The following LPP variants were observed in gnomAD, a reference collection of about 807,000 sequenced individuals.
The protein encoded by LPP is LIM domain containing preferred translocation partner in lipoma.
A neutral mutation model predicts 60.4 loss-of-function variants in LPP; 38 were observed. That is an observed-to-expected ratio of 0.63 (90% CI 0.49 to 0.83). The LOEUF (loss-of-function observed/expected upper bound fraction) is 0.83, where lower values mean the gene tolerates loss of function less well. LPP is among the 40% of genes least tolerant of loss of function. The pLI is 0.00. For missense variants in LPP, 902 were observed against 783.6 expected (o/e 1.15, Z -1.80); for synonymous variants, 328 against 290.8 (o/e 1.13, Z -1.30).
At chr3:188,331,901 CA>C (rs1348270324) in intron 2 of LPP, among the ~76,000 whole-genome samples, 15 of 151,986 alleles carry the variant, frequency 9.9e-5, no homozygotes, top group African/African-American at 3.1e-4. Context: ...TATTAAATTC[CA>C]AGACTATTTT....
intron 4 of LPP, among the ~76,000 whole-genome samples, chr3:188,442,175 C>T (rs1216806352): frequency 2.0e-5 from 3 of 152,004 alleles, no homozygotes; most frequent in Non-Finnish European, 4.4e-5. Context: ...GCACAACGTG[C>T]AGGTTTGTTA....
At chr3:188,813,786 T>C (rs1751716097) in intron 9 of LPP, among the ~76,000 whole-genome samples, 1 of 152,142 alleles carries the variant, frequency 6.6e-6, no homozygotes, top group African/African-American at 2.4e-5. Flanking sequence ...AAAACATCTA[T>C]TGGCTGGGCA....
In LPP at chr3:188,473,876, C is replaced by A. The variant is rs1056920340; in HGVS notation, c.194-10716C>A. Among the ~76,000 whole-genome samples, 3 of 152,064 alleles carry A rather than the reference C, an allele frequency of 2.0e-5. No individual in the cohort carries two copies. The East Asian group carries it at 5.8e-4, about 29-fold the overall frequency. On this transcript the variant is annotated intron_variant, in intron 4 of 11. Coordinates refer to ENST00000617246, the MANE Select transcript of LPP (RefSeq NM_001375462.1). ...AATATTTCTGAAGGCTAGGGTGCCCCCATAACCAGGTGGTGACTTGAGGAT... is the reference window on the plus strand; with the variant it reads ...AATATTTCTGAAGGCTAGGGTGCCCACATAACCAGGTGGTGACTTGAGGAT...
chr3:188,728,937 C>T (rs1719414118), intron 8 of LPP, among the ~76,000 whole-genome samples: 1 of 150,968 alleles, frequency 6.6e-6, no homozygotes, highest in Non-Finnish European at 1.5e-5. Context: ...AGTCCATAGA[C>T]CATTATAGGT....
At chr3:188,681,434 C>A (rs933855270) in intron 7 of LPP, among the ~76,000 whole-genome samples, 1 of 152,162 alleles carries the variant, frequency 6.6e-6, no homozygotes. Context: ...TCAGGAAGAG[C>A]CTTTCCCTCC....
chr3:188,339,726 T>TTA (rs1762555845), intron 2 of LPP, among the ~76,000 whole-genome samples: 1 of 152,164 alleles, frequency 6.6e-6, no homozygotes, highest in Non-Finnish European at 1.5e-5. Flanking sequence ...CTCATGGGGT[T>TTA]TACAATTCAA....
intron 2 of LPP, among the ~76,000 whole-genome samples, chr3:188,337,915 A>C (rs1762098672): frequency 6.6e-6 from 1 of 152,246 alleles, no homozygotes; most frequent in Non-Finnish European, 1.5e-5. Context: ...TAAAGTACTT[A>C]TCTTTAAAAG....
chr3:188,636,643 G>T (rs1230788639), intron 7 of LPP, among the ~76,000 whole-genome samples: 1 of 152,176 alleles, frequency 6.6e-6, no homozygotes, highest in African/African-American at 2.4e-5. Context: ...AACCTCTGCA[G>T]ACTTAAATGT....
At chr3:188,469,510 T>C (rs1202194252) in intron 4 of LPP, among the ~76,000 whole-genome samples, 1 of 152,128 alleles carries the variant, frequency 6.6e-6, no homozygotes, top group East Asian at 1.9e-4. Flanking sequence ...AATACTCCCC[T>C]ACCCAGGGGA....
chr3:188,867,863 G>T (rs979261224), intron 10 of LPP, among the ~76,000 whole-genome samples: 1 of 152,114 alleles, frequency 6.6e-6, no homozygotes, highest in African/African-American at 2.4e-5. Flanking sequence ...TGTGTTGATT[G>T]TCAACAGCCA....
At chr3:188,373,467 G>A (rs1773921630) in intron 3 of LPP, among the ~76,000 whole-genome samples, 1 of 152,176 alleles carries the variant, frequency 6.6e-6, no homozygotes, top group Non-Finnish European at 1.5e-5. Context: ...GTGATGATGA[G>A]CCTTTTTTCA....
intron 8 of LPP, among the ~76,000 whole-genome samples, chr3:188,738,740 T>G (rs1049864366): frequency 2.0e-5 from 3 of 152,118 alleles, no homozygotes; most frequent in Non-Finnish European, 4.4e-5. Context: ...GTGTATTTGA[T>G]TTTTGTTGTG....
intron 9 of LPP, among the ~76,000 whole-genome samples, chr3:188,785,918 T>A (rs1241835271): frequency 6.6e-6 from 1 of 152,098 alleles, no homozygotes; most frequent in African/African-American, 2.4e-5. Context: ...TTCTCTTTAG[T>A]CACCCTCATA....
At chr3:188,466,397 T>C (rs1463171400) in intron 4 of LPP, among the ~76,000 whole-genome samples, 1 of 152,096 alleles carries the variant, frequency 6.6e-6, no homozygotes, top group African/African-American at 2.4e-5. Flanking sequence ...TTGCCATTAA[T>C]TGACCCTTGC....
chr3:188,340,502 C>T (rs1425498827), intron 2 of LPP, among the ~76,000 whole-genome samples: 2 of 149,012 alleles, frequency 1.3e-5, no homozygotes, highest in Non-Finnish European at 1.5e-5. Flanking sequence ...GTAAACGGGA[C>T]ATTTTATCAA....
At chr3:188,451,633 A>G (rs1796611647) in intron 4 of LPP, among the ~76,000 whole-genome samples, 1 of 152,148 alleles carries the variant, frequency 6.6e-6, no homozygotes, top group Middle Eastern at 3.2e-3. Flanking sequence ...ATTACAAACT[A>G]TCATGAGTGC....
At position 188,701,779 on chromosome 3, in the gene LPP, C is replaced by T. The variant is rs533051908; in HGVS notation, c.1114-6488C>T. On this transcript the variant is annotated intron_variant, in intron 7 of 11. Coordinates refer to ENST00000617246, the MANE Select transcript of LPP (RefSeq NM_001375462.1). ...TTTTTTTTTTGAAAGTGTCAGTGGT[C>T]TTGGTGTTAGAAGATGTTTGCCAAT... Among the ~76,000 whole-genome samples the T allele has an allele frequency of 1.9e-4, 29 of 151,108 alleles. 3 individuals are homozygous for T. In the South Asian group the frequency reaches 5.9e-3, roughly 31 times the overall value.
At chr3:188,318,759 T>C in intron 2 of LPP, among the ~76,000 whole-genome samples, 1 of 102,002 alleles carries the variant, frequency 9.8e-6, no homozygotes, top group Admixed American at 1.2e-4. Context: ...GATTCTTTTT[T>C]TTTTTTTTTT....
intron 3 of LPP, among the ~76,000 whole-genome samples, chr3:188,366,588 G>A (rs933142012): frequency 1.3e-5 from 2 of 152,190 alleles, no homozygotes; most frequent in African/African-American, 4.8e-5. Flanking sequence ...GTATTTTGGT[G>A]TGTGGCTAGT....
Sources: gnomAD v4.1 joint callset for allele counts (sites outside exome capture counted in the v4.1 genomes callset) on GRCh38, gnomAD v4.1.1 for gene constraint, MANE v1.5 for transcripts, NCBI Gene and HGNC (gene_info 2026-07-23, HGNC 2026-07-21) for gene names.